Variants in KCNIP1 observed in about 807,000 individuals in gnomAD.
KCNIP1 encodes potassium voltage-gated channel interacting protein 1, also known as A-type potassium channel modulatory protein KCNIP1.
A neutral mutation model predicts 33.0 loss-of-function variants in KCNIP1; 18 were observed. That is an observed-to-expected ratio of 0.55 (90% CI 0.38 to 0.81). KCNIP1 has a LOEUF of 0.81. Among genes scored for constraint, KCNIP1 ranks in the 30% least tolerant of loss-of-function variants. The pLI is 0.00. For synonymous variants in KCNIP1, 93 were observed against 98.3 expected (o/e 0.95, Z 0.32); for missense variants, 238 against 271.6 (o/e 0.88, Z 0.87).
intron 1 of KCNIP1, among the ~76,000 whole-genome samples, chr5:170,661,327 A>G (rs976679921): frequency 6.6e-6 from 1 of 152,198 alleles, no homozygotes; most frequent in Non-Finnish European, 1.5e-5. Flanking sequence ...ATTGACATGC[A>G]TGACTCAGAA....
At chr5:170,608,675 G>C (rs1010398407) in intron 1 of KCNIP1, among the ~76,000 whole-genome samples, 1 of 152,022 alleles carries the variant, frequency 6.6e-6, no homozygotes, top group African/African-American at 2.4e-5. Context: ...GGGAGGCTGA[G>C]GTAGGAGAAT....
intron 1 of KCNIP1, among the ~76,000 whole-genome samples, chr5:170,625,787 G>A (rs1183381645): frequency 2.0e-5 from 3 of 152,186 alleles, no homozygotes; most frequent in Admixed American, 6.5e-5. Flanking sequence ...GATTTCAGGA[G>A]TGCAAAGTGT....
chr5:170,404,316 T>C (rs1754980569), intron 1 of KCNIP1, among the ~76,000 whole-genome samples: 1 of 152,234 alleles, frequency 6.6e-6, no homozygotes, highest in Non-Finnish European at 1.5e-5. Flanking sequence ...TCCAAGATTT[T>C]TTTTTCCCTT....
At chr5:170,700,112 C>T (rs181250008) in intron 1 of KCNIP1, among the ~76,000 whole-genome samples, 66 of 152,226 alleles carry the variant, frequency 4.3e-4, no homozygotes, top group Admixed American at 4.0e-3. Flanking sequence ...ACACCTGCCT[C>T]CTGTCATCTC....
chr5:170,719,417 T>C (rs1763742888), intron 2 of KCNIP1, among the ~76,000 whole-genome samples: 1 of 152,258 alleles, frequency 6.6e-6, no homozygotes, highest in African/African-American at 2.4e-5. Flanking sequence ...GTTCCTTGTT[T>C]AGTTGTTACT....
At chr5:170,399,016 T>C (rs1754829566) in intron 1 of KCNIP1, among the ~76,000 whole-genome samples, 1 of 152,080 alleles carries the variant, frequency 6.6e-6, no homozygotes, top group African/African-American at 2.4e-5. Context: ...TGTTACAGAG[T>C]AGGGCATCCT....
At chr5:170,411,803 G>A (rs893378433) in intron 1 of KCNIP1, among the ~76,000 whole-genome samples, 1 of 152,270 alleles carries the variant, frequency 6.6e-6, no homozygotes, top group South Asian at 2.1e-4. Flanking sequence ...AAGATAATAA[G>A]TAACAGTGTC....
intron 1 of KCNIP1, among the ~76,000 whole-genome samples, chr5:170,626,882 CA>C: frequency 1.3e-5 from 1 of 79,378 alleles, no homozygotes; most frequent in East Asian, 6.3e-4. Context: ...CAGGCCTTCT[CA>C]AGAAGCCCAG....
intron 1 of KCNIP1, among the ~76,000 whole-genome samples, chr5:170,448,199 A>G (rs1410797944): frequency 1.3e-5 from 2 of 152,206 alleles, no homozygotes; most frequent in African/African-American, 4.8e-5. Flanking sequence ...GAGTGGATGG[A>G]TTGAACTCTC....
At chr5:170,358,029 G>A (rs565135819) in intron 1 of KCNIP1, among the ~76,000 whole-genome samples, 4 of 152,274 alleles carry the variant, frequency 2.6e-5, no homozygotes, top group African/African-American at 9.6e-5. Flanking sequence ...GGGAACCTGC[G>A]TCTTCCTCTT....
chr5:170,447,945 C>T (rs949404431), intron 1 of KCNIP1, among the ~76,000 whole-genome samples: 1 of 151,784 alleles, frequency 6.6e-6, no homozygotes. Context: ...TGGATGACTC[C>T]TACCCAGTCA....
intron 1 of KCNIP1, among the ~76,000 whole-genome samples, chr5:170,612,195 G>A (rs751027923): frequency 1.8e-4 from 27 of 152,170 alleles, no homozygotes; most frequent in Non-Finnish European, 3.1e-4. Context: ...TTGCACGCAC[G>A]AGGGGCCAGA....
intron 1 of KCNIP1, among the ~76,000 whole-genome samples, chr5:170,457,443 C>T (rs1195564513): frequency 2.0e-5 from 3 of 152,152 alleles, no homozygotes; most frequent in African/African-American, 7.2e-5. Context: ...ATTGCTCCTG[C>T]AGGACCTGGG....
intron 1 of KCNIP1, among the ~76,000 whole-genome samples, chr5:170,420,899 A>T (rs1291685008): frequency 6.6e-6 from 1 of 152,178 alleles, no homozygotes; most frequent in South Asian, 2.1e-4. Context: ...GATTACTCAC[A>T]CTCTAAGGAC....
chr5:170,500,011 G>A (rs1038089843), upstream of KCNIP1, among the ~76,000 whole-genome samples: 1 of 152,168 alleles, frequency 6.6e-6, no homozygotes, highest in African/African-American at 2.4e-5. Context: ...AGTCTGGGTG[G>A]CTTATACAAC....
rs1280227758 is a variant in KCNIP1, at chr5:170,407,445, AT to A, written c.88+53488del. Reference sequence around the variant, plus strand: ...TTCTATCCATAAGTGTAACAAAAAAATTTTTTTAAATGCTATGTAAAGATAG... The same window carrying A: ...TTCTATCCATAAGTGTAACAAAAAAATTTTTTAAATGCTATGTAAAGATAG... On this transcript the variant is annotated intron_variant, in intron 1 of 7. Transcript: ENST00000377360. 9.2e-5 allele frequency among the ~76,000 whole-genome samples: 14 copies of A among 152,324 alleles called. No homozygotes were observed. The East Asian group carries it at 2.3e-3, about 25-fold the overall frequency.
chr5:170,525,587 C>T (rs1021520756), intron 1 of KCNIP1, among the ~76,000 whole-genome samples: 1 of 152,184 alleles, frequency 6.6e-6, no homozygotes, highest in African/African-American at 2.4e-5. Context: ...GCAGTTTTTC[C>T]TCTAGTTAAT....
rs895932880 is a variant in KCNIP1 at position 170,504,324 on chromosome 5, C to T, written c.-249C>T. 1 of 1,371,162 alleles carries T rather than the reference C, an allele frequency of 7.3e-7. No homozygotes were observed. Among genetic ancestry groups the T allele is most frequent in the Non-Finnish European group, 9.4e-7 (1 of 1,067,050 alleles). 84.9% of individuals were successfully genotyped at this position (1,371,162 alleles called of 1,614,324 possible). The stretch of plus-strand genomic sequence containing the variant: ...CGAGGGAACCGCCGGGCCGGGTCCT[C>T]GCGCGGGGAAGCGGTTCCGAAGGCT... On this transcript the variant is annotated 5_prime_UTR_variant, in exon 1 of 8. Coordinates refer to ENST00000328939, the MANE Select transcript of KCNIP1 (RefSeq NM_014592.4). This position sits in a 1 kb window ranked among gnomAD's most constrained non-coding sequence, Gnocchi z 6.0.
intron 1 of KCNIP1, among the ~76,000 whole-genome samples, chr5:170,664,096 C>T (rs1182392844): frequency 1.3e-5 from 2 of 152,150 alleles, no homozygotes; most frequent in African/African-American, 2.4e-5. Flanking sequence ...CTCCCAAGGC[C>T]TTGTGATCTG....
Sources: gnomAD v4.1 joint callset for allele counts (sites outside exome capture counted in the v4.1 genomes callset) on GRCh38, gnomAD v4.1.1 for gene constraint, Gnocchi (gnomAD v3.1) non-coding constraint, MANE v1.5 for transcripts, NCBI Gene and HGNC (gene_info 2026-07-23, HGNC 2026-07-21) for gene names.